Variants in CCNH observed in about 807,000 individuals in gnomAD.
CCNH encodes the protein cyclin H.
CCNH carries 31 observed loss-of-function variants against 41.9 expected under a neutral mutation model. That is an observed-to-expected ratio of 0.74 (90% CI 0.56 to 1.00). The LOEUF (loss-of-function observed/expected upper bound fraction) is 1.00. CCNH is among the 50% of genes least tolerant of loss of function. The pLI is 0.00. For missense variants in CCNH, 362 were observed against 388.4 expected, an observed-to-expected ratio of 0.93 and a Z score of 0.57; for synonymous variants, 138 against 136.1, an observed-to-expected ratio of 1.01 and a Z score of -0.10.
intron 9 of CCNH, among the ~76,000 whole-genome samples, chr5:87,342,725 C>T (rs565286769): frequency 1.3e-5 from 2 of 152,118 alleles, no homozygotes; most frequent in East Asian, 1.9e-4. Context: ...AAAGTGTTTG[C>T]CTATTGTAAG....
At chr5:87,352,686 A>T (rs2112430392) in intron 9 of CCNH, among the ~76,000 whole-genome samples, 2 of 151,600 alleles carry the variant, frequency 1.3e-5, no homozygotes, top group Non-Finnish European at 3.0e-5. Context: ...CCTGCTTTTC[A>T]TGTGTTTTAT....
chr5:87,365,711 T>A (rs542220071), intron 9 of CCNH, among the ~76,000 whole-genome samples: 201 of 152,104 alleles, frequency 1.3e-3, no homozygotes, highest in African/African-American at 4.5e-3. Context: ...AAAATAATTT[T>A]AAAAAAATGT....
At chr5:87,333,387 C>T (rs560490945) in intron 9 of CCNH, 101 of 1,602,464 alleles carry the variant, frequency 6.3e-5, no homozygotes, top group South Asian at 6.1e-4. Context: ...AGCTAGACTT[C>T]GAAGATTTAT....
chr5:87,344,898 C>T (rs1758742683), intron 9 of CCNH, among the ~76,000 whole-genome samples: 1 of 152,018 alleles, frequency 6.6e-6, no homozygotes, highest in African/African-American at 2.4e-5. Context: ...ATCACTTCCC[C>T]CTAGAAAATC....
chr5:87,389,041 CATT>C (rs747692560), downstream of CCNH, among the ~76,000 whole-genome samples: 5 of 152,184 alleles, frequency 3.3e-5, no homozygotes, highest in Admixed American at 6.5e-5. Context: ...ATTTTACCAT[CATT>C]AATACTGAAT....
Position 87,341,337 on chromosome 5 carries a change from T to C in CCNH, c.*91-22440A>G, listed in dbSNP as rs1353303200. On this transcript the variant is annotated intron_variant and NMD_transcript_variant, in intron 9 of 9. Transcript: ENST00000645953. ...AAGGAAAAATGTGAGTTTGTGTTAA[T>C]TATTAAAATGAAAAAAAAAATCTAT... The C allele has an allele frequency of 9.3e-6, 12 of 1,296,880 alleles. No homozygotes were observed. The highest frequency in any genetic ancestry group is 9.7e-6 in the Non-Finnish European group (10 of 1,027,166). 80.3% of individuals were successfully genotyped at this position (1,296,880 alleles called of 1,614,324 possible).
downstream of CCNH, chr5:87,374,457 A>AT (rs1441691916): frequency 3.1e-4 from 76 of 244,004 alleles, no homozygotes; most frequent in East Asian, 1.1e-3. Context: ...ATATATATAT[A>AT]TATTTTTTTT....
intron 9 of CCNH, among the ~76,000 whole-genome samples, chr5:87,370,596 A>G (rs1027279674): frequency 2.0e-5 from 3 of 152,180 alleles, no homozygotes; most frequent in African/African-American, 4.8e-5. Context: ...CAGGAGTTTG[A>G]GTTACAGTGA....
At chr5:87,377,176 A>G (rs1456016681) in exon 1 of CCNH, 14 of 1,173,376 alleles carry the variant, frequency 1.2e-5, no homozygotes, top group Non-Finnish European at 2.4e-6. Context: ...TCCCTCCTTA[A>G]AAATTGCAGT....
chr5:87,351,543 G>C lies in CCNH; in HGVS notation c.*91-32646C>G, dbSNP rs538432599. ...AATGCATTACAAAAATTAAAATACA[G>C]AACACAGTGTCTCTAGAAACTCACG... On this transcript the variant is annotated intron_variant and NMD_transcript_variant, in intron 9 of 9. Coordinates refer to the CCNH transcript ENST00000645953. Among the ~76,000 whole-genome samples the C allele has an allele frequency of 6.6e-4, 100 of 151,742 alleles. 1 individual carries two copies. The highest frequency in any genetic ancestry group is 1.1e-3 in the Non-Finnish European group (72 of 67,690).
intron 7 of CCNH, among the ~76,000 whole-genome samples, chr5:87,398,359 A>G (rs748966510): frequency 1.3e-5 from 2 of 152,186 alleles, no homozygotes; most frequent in Non-Finnish European, 2.9e-5. Flanking sequence ...ATATTCACCA[A>G]TTACAGAAAT....
downstream of CCNH, among the ~76,000 whole-genome samples, chr5:87,373,863 A>G (rs143572149): frequency 3.3e-5 from 5 of 152,068 alleles, no homozygotes; most frequent in Admixed American, 1.3e-4. Flanking sequence ...TTTTCTCTTT[A>G]TCATTGTTTT....
intron 9 of CCNH, chr5:87,346,539 A>C (rs1758873384): frequency 1.9e-6 from 1 of 529,712 alleles, no homozygotes; most frequent in South Asian, 2.7e-5. Context: ...ATGTAATAAG[A>C]ATGAGATGAT....
At chr5:87,372,987 A>T (rs1337212967), downstream of CCNH, among the ~76,000 whole-genome samples, 1 of 152,184 alleles carries the variant, frequency 6.6e-6, no homozygotes, top group African/African-American at 2.4e-5. Flanking sequence ...TTAAGTATAC[A>T]CACAATCGCC....
At chr5:87,393,578 A>AATT (rs1179818207), downstream of CCNH, 10 of 152,302 alleles carry the variant, frequency 6.6e-5, no homozygotes, top group African/African-American at 2.2e-4. Context: ...GACTCATTTC[A>AATT]ATTTGAATTA....
At chr5:87,401,488 TG>T (rs953981046) in intron 6 of CCNH, among the ~76,000 whole-genome samples, 1 of 152,222 alleles carries the variant, frequency 6.6e-6, no homozygotes, top group Non-Finnish European at 1.5e-5. Flanking sequence ...TTTCACTCTT[TG>T]CATAAGTTCT....
chr5:87,321,054 A>G (rs906798918), intron 9 of CCNH, among the ~76,000 whole-genome samples: 9 of 152,212 alleles, frequency 5.9e-5, no homozygotes, highest in African/African-American at 2.2e-4. Context: ...GAAAGAGCCT[A>G]TTAGGGAGAT....
chr5:87,398,796 ACC>A (rs753409593), intron 7 of CCNH, among the ~76,000 whole-genome samples: 7 of 151,550 alleles, frequency 4.6e-5, no homozygotes, highest in Admixed American at 1.3e-4. Flanking sequence ...ACACGATGAA[ACC>A]CCGTCTCTAC....
rs1303270567 is a variant in CCNH, at chr5:87,329,449, A to C, written c.*91-10552T>G. Reference sequence around the variant, plus strand: ...AGAGTGAGACTCCCGTCTTAAAACAAAACAAAACAAAAACAACTAAAAACC... The same window carrying C: ...AGAGTGAGACTCCCGTCTTAAAACACAACAAAACAAAAACAACTAAAAACC... On this transcript the variant is annotated intron_variant and NMD_transcript_variant, in intron 9 of 9. Coordinates refer to the CCNH transcript ENST00000645953. Among the ~76,000 whole-genome samples, 3 of 152,192 alleles carry C rather than the reference A, an allele frequency of 2.0e-5. No individual in the cohort carries two copies. The East Asian group carries it at 5.8e-4, about 29-fold the overall frequency.
Sources: gnomAD v4.1 joint callset for allele counts (sites outside exome capture counted in the v4.1 genomes callset) on GRCh38, gnomAD v4.1.1 for gene constraint, MANE v1.5 for transcripts, NCBI Gene and HGNC (gene_info 2026-07-23, HGNC 2026-07-21) for gene names.